The following BORA variants were observed in gnomAD, a reference collection of about 807,000 sequenced individuals.
BORA encodes the protein BORA aurora kinase A activator.
In BORA, 26 loss-of-function variants were observed where a neutral mutation model predicts 55.8. The observed-to-expected ratio is 0.47, with a 90% confidence interval of 0.34 to 0.65. The LOEUF is 0.65. BORA is among the 30% of genes least tolerant of loss of function. BORA has a pLI of 0.01. For missense variants in BORA, 568 were observed against 671.5 expected, an observed-to-expected ratio of 0.85 and a Z score of 1.70; for synonymous variants, 201 against 216.9, an observed-to-expected ratio of 0.93 and a Z score of 0.64.
rs764988203 is a variant in BORA at position 72,744,982 on chromosome 13, T to C, written c.513T>C (p.Gly171=). The C allele has an allele frequency of 2.1e-4, 345 of 1,612,038 alleles. No individual in the cohort carries two copies. The highest frequency in any genetic ancestry group is 2.8e-4 in the Non-Finnish European group (333 of 1,178,560). ...PVDFNLENIL[G]DYFRADEFAD... is the part of the protein sequence containing the mutation. ...CTTTTCTCCTATTATTAAATATAGG[T>C]GACTATTTTAGAGCTGATGAATTTG... Residue 171 remains glycine (G), a splice_region_variant and synonymous_variant, in exon 8 of 12, where the codon GGT becomes GGC. Transcript: ENST00000390667.
chr13:72,751,702 T>G (rs2033278967), intron 10 of BORA, among the ~76,000 whole-genome samples: 1 of 152,170 alleles, frequency 6.6e-6, no homozygotes. Flanking sequence ...AATTAACAAT[T>G]TATCGTATAT....
intron 11 of BORA, 25 bp from the exon 12 acceptor site, chr13:72,755,126 C>T: frequency 6.2e-7 from 1 of 1,607,366 alleles, no homozygotes; most frequent in Non-Finnish European, 8.5e-7. Flanking sequence ...AAACTGAAAA[C>T]AAGGTATTGT....
intron 7 of BORA, 117 bp from the exon 8 acceptor site, chr13:72,744,864 T>A (rs1811387202): frequency 7.5e-6 from 7 of 936,186 alleles, no homozygotes; most frequent in Non-Finnish European, 9.5e-6. Context: ...AACTTTGCCC[T>A]CTTTTTGGGA....
intron 4 of BORA, 116 bp downstream of exon 4, chr13:72,735,121 C>T: frequency 5.1e-6 from 4 of 778,120 alleles, no homozygotes; most frequent in Non-Finnish European, 8.6e-6. Flanking sequence ...CCTCCAAGCC[C>T]TTCACAGTCC....
intron 6 of BORA, 47 bp from the exon 7 acceptor site, chr13:72,744,458 T>A (rs1288603556): frequency 1.3e-6 from 2 of 1,509,246 alleles, no homozygotes; most frequent in Non-Finnish European, 1.8e-6. Context: ...ATACTTTCAT[T>A]GATTTATCCC....
intron 9 of BORA, among the ~76,000 whole-genome samples, chr13:72,746,287 T>G (rs2033139979): frequency 6.6e-6 from 1 of 152,234 alleles, no homozygotes; most frequent in Non-Finnish European, 1.5e-5. Flanking sequence ...TATAGTTACT[T>G]TAATTAGCAA....
chr13:72,729,129 T>C, intron 2 of BORA, 36 bp downstream of exon 2: 1 of 1,412,550 alleles, frequency 7.1e-7, no homozygotes, highest in Non-Finnish European at 9.5e-7. Context: ...CAACTAATTT[T>C]AAATGTAAGT....
intron 10 of BORA, among the ~76,000 whole-genome samples, chr13:72,748,636 T>C (rs2033199301): frequency 1.3e-5 from 2 of 152,248 alleles, no homozygotes; most frequent in South Asian, 4.1e-4. Flanking sequence ...TCTCTAAAGT[T>C]GGTTTCATAA....
intron 5 of BORA, among the ~76,000 whole-genome samples, chr13:72,739,518 G>C (rs945201865): frequency 5.9e-5 from 9 of 152,170 alleles, no homozygotes; most frequent in African/African-American, 2.2e-4. Context: ...TAGGGTGTTT[G>C]TCTTGGAAGG....
At chr13:72,728,614 T>C (rs918583649) in intron 1 of BORA, among the ~76,000 whole-genome samples, 1 of 152,216 alleles carries the variant, frequency 6.6e-6, no homozygotes, top group African/African-American at 2.4e-5. Context: ...TTGTAACCTT[T>C]AGTTTCCTCA....
chr13:72,743,575 C>A lies in BORA; in HGVS notation c.427C>A (p.Leu143Met). ...INSDSPVGKKLTIHSEKSDAA... is the reference protein window; with the variant it reads ...INSDSPVGKKMTIHSEKSDAA... ...TAGTGACTCTCCAGTTGGAAAAAAG[C>A]TGACCATTCATTCTGAGAAAAGCGA... The change falls in exon 6 of 12, where the codon CTG becomes ATG. Residue 143 changes from leucine (L) to methionine (M), a missense_variant. Leu to Met is a conservative substitution (Grantham distance 15). Transcript: ENST00000390667. 6.2e-7 allele frequency: 1 copy of A among 1,610,220 alleles called. No individual in the cohort carries two copies. The highest frequency in any genetic ancestry group is 1.3e-5 in the African/African-American group (1 of 74,114).
chr13:72,746,360 A>G, intron 9 of BORA, 141 bp from the exon 10 acceptor site: 2 of 1,049,984 alleles, frequency 1.9e-6, no homozygotes, highest in Non-Finnish European at 1.4e-6. Context: ...TGTTTTTGAC[A>G]TCACAATTTC....
At chr13:72,746,134 A>T in intron 9 of BORA, 58 bp downstream of exon 9, 2 of 1,439,538 alleles carry the variant, frequency 1.4e-6, no homozygotes, top group East Asian at 2.3e-5. Context: ...ATTTGTTATT[A>T]GAGAGGTTCT....
At chr13:72,744,613 T>C in intron 7 of BORA, 52 bp downstream of exon 7, 2 of 1,401,576 alleles carry the variant, frequency 1.4e-6, no homozygotes, top group South Asian at 2.5e-5. Flanking sequence ...AAGGTTTTGT[T>C]TGGCTGGCTT....
intron 10 of BORA, among the ~76,000 whole-genome samples, chr13:72,751,810 T>C (rs1000104366): frequency 1.3e-5 from 2 of 152,250 alleles, no homozygotes; most frequent in African/African-American, 4.8e-5. Context: ...GATCATTACA[T>C]ATTGTAAACA....
chr13:72,742,765 TATACAC>T (rs1316685574), intron 5 of BORA, among the ~76,000 whole-genome samples: 1,499 of 53,906 alleles, frequency 0.028, 33 homozygotes, highest in African/African-American at 0.061. Context: ...TATATATATA[TATACAC>T]ACACACACAC....
intron 3 of BORA, among the ~76,000 whole-genome samples, chr13:72,732,658 C>A (rs1406073893): frequency 6.6e-6 from 1 of 151,950 alleles, no homozygotes; most frequent in Non-Finnish European, 1.5e-5. Context: ...GCCTGGGGGA[C>A]AGAGCAAGAC....
chr13:72,740,941 C>G (rs1034901574), intron 5 of BORA, among the ~76,000 whole-genome samples: 2 of 152,042 alleles, frequency 1.3e-5, no homozygotes, highest in African/African-American at 2.4e-5. Flanking sequence ...TGTGGTACCT[C>G]TAAGATAATG....
chr13:72,755,430 A>G lies in BORA; in HGVS notation c.*214A>G. 1 of 515,108 alleles carries G rather than the reference A, an allele frequency of 1.9e-6. No individual in the cohort carries two copies. The highest frequency in any genetic ancestry group is 2.9e-5 in the South Asian group (1 of 34,822). 31.9% of individuals were successfully genotyped at this position (515,108 alleles called of 1,614,324 possible). A position where few individuals can be genotyped will look rare whatever the true frequency, so the allele number is the denominator to read the frequency against. On this transcript the variant is annotated 3_prime_UTR_variant, in exon 12 of 12. Coordinates refer to ENST00000390667, the MANE Select transcript of BORA (RefSeq NM_024808.5). Reference sequence around the variant, plus strand: ...CTGAATTATAAGTTTATTTTTTATCAATAAATATTTTTATACTTACATTGA... The same window carrying G: ...CTGAATTATAAGTTTATTTTTTATCGATAAATATTTTTATACTTACATTGA...
Sources: allele counts gnomAD v4.1 joint callset (sites outside exome capture counted in the v4.1 genomes callset), GRCh38; gene constraint gnomAD v4.1.1; transcripts MANE v1.5; gene names NCBI Gene and HGNC (gene_info 2026-07-23, HGNC 2026-07-21).